Variants in RTN1 observed in about 807,000 individuals in gnomAD.
RTN1 encodes the protein reticulon-1.
In RTN1, 25 loss-of-function variants were observed where a neutral mutation model predicts 65.5. That is an observed-to-expected ratio of 0.38 (90% CI 0.28 to 0.53). The LOEUF is 0.53. RTN1 is among the 20% of genes least tolerant of loss of function. The pLI is 0.79. For synonymous variants in RTN1, 471 were observed against 447.6 expected (o/e 1.05, Z -0.66); for missense variants, 983 against 1,025.4 (o/e 0.96, Z 0.57).
chr14:59,851,799 G>A (rs1016496819), intron 1 of RTN1, among the ~76,000 whole-genome samples: 5 of 150,244 alleles, frequency 3.3e-5, no homozygotes, highest in Admixed American at 6.6e-5. Flanking sequence ...GGAGGTTGCA[G>A]TGAGCCAAGA....
At chr14:59,665,973 CG>C (rs1177354368) in intron 3 of RTN1, among the ~76,000 whole-genome samples, 1 of 152,080 alleles carries the variant, frequency 6.6e-6, no homozygotes, top group African/African-American at 2.4e-5. Flanking sequence ...GAGACTTAGA[CG>C]CCCACGCAAT....
intron 1 of RTN1, among the ~76,000 whole-genome samples, chr14:59,773,758 G>A (rs1886001548): frequency 6.6e-6 from 1 of 151,976 alleles, no homozygotes; most frequent in Non-Finnish European, 1.5e-5. Flanking sequence ...ATTTATTTTG[G>A]CTTTTTTAAA....
At chr14:59,698,197 A>G (rs937990737) in intron 3 of RTN1, among the ~76,000 whole-genome samples, 2 of 152,184 alleles carry the variant, frequency 1.3e-5, no homozygotes, top group African/African-American at 4.8e-5. Flanking sequence ...GAGAATGTTC[A>G]TAAGATTTTT....
At chr14:59,837,857 A>G (rs1029684968) in intron 1 of RTN1, among the ~76,000 whole-genome samples, 9 of 152,098 alleles carry the variant, frequency 5.9e-5, no homozygotes, top group African/African-American at 1.9e-4. Flanking sequence ...AAAAAATGCT[A>G]ATGATCACCG....
intron 1 of RTN1, among the ~76,000 whole-genome samples, chr14:59,839,634 T>C (rs866576676): frequency 1.7e-4 from 26 of 152,200 alleles, no homozygotes; most frequent in African/African-American, 6.0e-4. Context: ...AGTATTACTC[T>C]ATATATGAAA....
At chr14:59,618,273 G>C (rs1367167453) in intron 3 of RTN1, among the ~76,000 whole-genome samples, 1 of 152,186 alleles carries the variant, frequency 6.6e-6, no homozygotes, top group Non-Finnish European at 1.5e-5. Flanking sequence ...GAGGCTACAA[G>C]ATTCTGACCC....
At chr14:59,863,883 C>T (rs113895720) in intron 1 of RTN1, among the ~76,000 whole-genome samples, 25 of 152,196 alleles carry the variant, frequency 1.6e-4, no homozygotes, top group African/African-American at 5.3e-4. Flanking sequence ...CTTTCTAACA[C>T]ATTACATACA....
intron 1 of RTN1, among the ~76,000 whole-genome samples, chr14:59,866,466 T>C (rs1381208420): frequency 3.9e-5 from 6 of 152,122 alleles, no homozygotes; most frequent in Non-Finnish European, 5.9e-5. Context: ...CTTGGAACAG[T>C]AAGTTCATGA....
At chr14:59,705,496 G>A (rs1021348398) in intron 3 of RTN1, among the ~76,000 whole-genome samples, 2 of 152,130 alleles carry the variant, frequency 1.3e-5, no homozygotes, top group Non-Finnish European at 2.9e-5. Flanking sequence ...TGTGCCTCAC[G>A]TCCCAGTAAG....
chr14:59,642,007 T>G (rs1427996107), intron 3 of RTN1, among the ~76,000 whole-genome samples: 3 of 152,194 alleles, frequency 2.0e-5, no homozygotes, highest in Non-Finnish European at 4.4e-5. Flanking sequence ...TCCAAAGAAT[T>G]TTCTTTACCA....
chr14:59,810,269 C>G (rs939529898), intron 1 of RTN1, among the ~76,000 whole-genome samples: 2 of 152,108 alleles, frequency 1.3e-5, no homozygotes, highest in African/African-American at 4.8e-5. Flanking sequence ...TCACTAGTAC[C>G]CTCTTAGAAG....
intron 3 of RTN1, among the ~76,000 whole-genome samples, chr14:59,620,232 A>C (rs1882218911): frequency 6.6e-6 from 1 of 152,194 alleles, no homozygotes; most frequent in South Asian, 2.1e-4. Flanking sequence ...AACGGAAATA[A>C]CCTAAAGTGG....
intron 4 of RTN1, 196 bp from the exon 5 acceptor site, chr14:59,605,702 G>T: frequency 3.8e-6 from 2 of 524,954 alleles, no homozygotes; most frequent in South Asian, 5.7e-5. Flanking sequence ...AACACAGAAA[G>T]CATGGTTCTC....
intron 1 of RTN1, among the ~76,000 whole-genome samples, chr14:59,756,210 T>C (rs934369212): frequency 6.6e-6 from 1 of 152,332 alleles, no homozygotes; most frequent in East Asian, 1.9e-4. Flanking sequence ...CTTGGAATCA[T>C]GTTTTGGATT....
At chr14:59,869,368 T>A (rs990205919) in intron 1 of RTN1, among the ~76,000 whole-genome samples, 3 of 151,314 alleles carry the variant, frequency 2.0e-5, no homozygotes, top group Non-Finnish European at 4.4e-5. Flanking sequence ...CACTCCACCA[T>A]AGCAAAGCTT....
At chr14:59,715,383 G>T (rs368276370) in intron 3 of RTN1, among the ~76,000 whole-genome samples, 4 of 152,214 alleles carry the variant, frequency 2.6e-5, no homozygotes, top group South Asian at 4.1e-4. Context: ...GTCTCCATAA[G>T]AACTAAAATG....
rs1411135672 is a variant in RTN1, at chr14:59,727,375, C to T, written c.1309G>A (p.Val437Met). 2 of 1,528,242 alleles carry T rather than the reference C, an allele frequency of 1.3e-6. No individual in the cohort carries two copies. The highest frequency in any genetic ancestry group is 2.0e-5 in the Admixed American group (1 of 49,410). 94.7% of individuals were successfully genotyped at this position (1,528,242 alleles called of 1,614,324 possible). ...GCGGGCGAGGGCGGCGGGCCGCCCA[C>T]GTGGCCAAAGCTCACATAGCCTGAG... Reference protein sequence around the residue: ...LPSGYVSFGHVGGPPPSPASP... With the variant: ...LPSGYVSFGHMGGPPPSPASP... Residue 437 changes from valine (V) to methionine (M), a missense_variant, in exon 3 of 9, where the codon GTG becomes ATG. Coordinates refer to ENST00000267484, the MANE Select transcript of RTN1 (RefSeq NM_021136.3). This position sits in a 1 kb window ranked among gnomAD's most constrained non-coding sequence, Gnocchi z 4.2.
chr14:59,788,473 C>A (rs926577275), intron 1 of RTN1, among the ~76,000 whole-genome samples: 1 of 152,122 alleles, frequency 6.6e-6, no homozygotes, highest in Non-Finnish European at 1.5e-5. Context: ...ATGAGATAAT[C>A]ATAATATTTG....
intron 3 of RTN1, among the ~76,000 whole-genome samples, chr14:59,661,637 C>A (rs1883249880): frequency 1.3e-5 from 2 of 152,088 alleles, no homozygotes; most frequent in African/African-American, 4.8e-5. Context: ...ATAAACAGAA[C>A]CAACAACAAA....
Sources: allele counts gnomAD v4.1 joint callset (sites outside exome capture counted in the v4.1 genomes callset), GRCh38; gene constraint gnomAD v4.1.1; non-coding constraint Gnocchi (gnomAD v3.1); transcripts MANE v1.5; gene names NCBI Gene and HGNC (gene_info 2026-07-23, HGNC 2026-07-21).